CTNNA2: variants seen among roughly 807,000 people sequenced by gnomAD.
CTNNA2 encodes catenin alpha 2.
Under a neutral mutation model 101.0 loss-of-function variants are expected in CTNNA2, and 42 were observed. The ratio of observed to expected loss-of-function variants is 0.42; its 90% CI spans 0.32 to 0.54. The LOEUF is 0.54. Ranked by LOEUF, CTNNA2 falls within the 20% of genes least tolerant of loss-of-function variation. CTNNA2 has a pLI of 0.14. For missense variants in CTNNA2, 871 were observed against 1,223.1 expected (o/e 0.71, Z 4.29); for synonymous variants, 450 against 456.4 (o/e 0.99, Z 0.18).
At position 80,429,813 on chromosome 2, in the gene CTNNA2, C is replaced by T. The variant is rs564290383; in HGVS notation, c.1290+10212C>T. Among the ~76,000 whole-genome samples the T allele has an allele frequency of 2.8e-4, 43 of 152,308 alleles. 1 individual carries two copies. In the South Asian group the frequency reaches 7.5e-3, roughly 26 times the overall value. On this transcript the variant is annotated intron_variant, in intron 9 of 18. Coordinates refer to ENST00000402739, the MANE Select transcript of CTNNA2 (RefSeq NM_001282597.3). ...CCTGCACAGTTTGCATCGTTCATAT[C>T]TGTTCAAATTACTAAATGCCGCAGA...
chr2:80,296,764 C>T (rs1558978417), intron 7 of CTNNA2, among the ~76,000 whole-genome samples: 2 of 152,076 alleles, frequency 1.3e-5, no homozygotes, highest in Admixed American at 1.3e-4. Flanking sequence ...ATGTCCTTTG[C>T]TTGTAGGATG....
chr2:80,161,160 C>T lies in CTNNA2; in HGVS notation c.1057-232051C>T, dbSNP rs191180240. ...CTCCTGGAGTAGCTAGAATTACAGG[C>T]GCATGCCACCACACCCAGCTAATTT... is the stretch of plus-strand genomic sequence containing the variant. On this transcript the variant is annotated intron_variant, in intron 7 of 18. Transcript: ENST00000402739. Among the ~76,000 whole-genome samples, 490 of 152,102 alleles carry T rather than the reference C, an allele frequency of 3.2e-3. 2 individuals are homozygous for T. The highest frequency in any genetic ancestry group is 0.012 in the South Asian group (56 of 4,808).
At chr2:79,470,110 T>C (rs1489906306) in intron 4 of CTNNA2, among the ~76,000 whole-genome samples, 1 of 152,190 alleles carries the variant, frequency 6.6e-6, no homozygotes, top group East Asian at 1.9e-4. Context: ...GCAGATGACA[T>C]GATTAAAGAA....
intron 7 of CTNNA2, among the ~76,000 whole-genome samples, chr2:80,380,197 C>G (rs188009083): frequency 6.6e-6 from 1 of 151,220 alleles, no homozygotes; most frequent in East Asian, 2.0e-4. Context: ...CCACCATGCC[C>G]GGCTAATTTT....
chr2:80,225,457 C>T (rs769535965), intron 7 of CTNNA2, among the ~76,000 whole-genome samples: 39 of 151,882 alleles, frequency 2.6e-4, no homozygotes, highest in Non-Finnish European at 4.6e-4. Flanking sequence ...AAATCAGCAC[C>T]GAGTTGGCCA....
At chr2:79,225,563 T>C (rs1212214239) in intron 2 of CTNNA2, among the ~76,000 whole-genome samples, 1 of 152,188 alleles carries the variant, frequency 6.6e-6, no homozygotes, top group African/African-American at 2.4e-5. Flanking sequence ...TAGGAGGCAA[T>C]TAAATATAAG....
intron 2 of CTNNA2, among the ~76,000 whole-genome samples, chr2:79,711,851 A>G (rs1430855702): frequency 6.6e-6 from 1 of 152,186 alleles, no homozygotes; most frequent in Non-Finnish European, 1.5e-5. Context: ...TAACTTATTT[A>G]TGGACAATTA....
intron 7 of CTNNA2, among the ~76,000 whole-genome samples, chr2:80,047,670 CT>C (rs1221089052): frequency 6.6e-6 from 1 of 152,108 alleles, no homozygotes; most frequent in Non-Finnish European, 1.5e-5. Context: ...AACTACAGAC[CT>C]GTTAATTTCT....
chr2:80,163,754 T>A (rs6720284), intron 7 of CTNNA2, among the ~76,000 whole-genome samples: 20,944 of 152,012 alleles, frequency 0.14, 3,629 homozygotes, highest in African/African-American at 0.41. Context: ...TGTCTATTCT[T>A]TCAGTTCTAT....
In CTNNA2 at chr2:80,012,008, T is replaced by G. The variant is rs185205500; in HGVS notation, c.1056+102211T>G. Among the ~76,000 whole-genome samples, 106 of 152,274 alleles carry G rather than the reference T, an allele frequency of 7.0e-4. No individual in the cohort carries two copies. The Middle Eastern group carries it at 0.01, about 15-fold the overall frequency. On this transcript the variant is annotated intron_variant, in intron 7 of 18. Transcript: ENST00000402739. Reference sequence around the variant, plus strand: ...CACTTCTGATTACTGGGGCGATAACTTGAACACTTAAGCAATTGCTAGAGC... The same window carrying G: ...CACTTCTGATTACTGGGGCGATAACGTGAACACTTAAGCAATTGCTAGAGC...
intron 7 of CTNNA2, among the ~76,000 whole-genome samples, chr2:79,931,132 G>C (rs1314239400): frequency 6.6e-6 from 1 of 152,054 alleles, no homozygotes; most frequent in East Asian, 1.9e-4. Flanking sequence ...ATTAAACTCT[G>C]CAATATGCAT....
chr2:80,079,480 T>G (rs1322509428), intron 7 of CTNNA2, among the ~76,000 whole-genome samples: 1 of 152,034 alleles, frequency 6.6e-6, no homozygotes, highest in Admixed American at 6.5e-5. Flanking sequence ...GAAAGAGAGA[T>G]AGCCCTGCCT....
intron 1 of CTNNA2, among the ~76,000 whole-genome samples, chr2:79,535,073 TAA>T (rs1672973497): frequency 6.6e-6 from 1 of 152,188 alleles, no homozygotes; most frequent in Non-Finnish European, 1.5e-5. Flanking sequence ...GGCGGTGAAA[TAA>T]AGAGATAAAC....
chr2:79,896,601 T>C (rs907369841), intron 6 of CTNNA2, among the ~76,000 whole-genome samples: 2 of 152,212 alleles, frequency 1.3e-5, no homozygotes, highest in African/African-American at 4.8e-5. Context: ...GAGCAGAAGA[T>C]ACCGACCTAT....
At chr2:79,425,219 T>C (rs1341141233) in intron 4 of CTNNA2, among the ~76,000 whole-genome samples, 3 of 152,162 alleles carry the variant, frequency 2.0e-5, no homozygotes, top group Admixed American at 6.6e-5. Context: ...TAGCAGTGGA[T>C]GATTCAAAGG....
chr2:79,697,863 A>T (rs1262989291), intron 2 of CTNNA2: 2 of 152,028 alleles, frequency 1.3e-5, no homozygotes, highest in Non-Finnish European at 2.9e-5. Context: ...CATACCACTT[A>T]TTATACAAGA....
In CTNNA2 at chr2:80,454,875, G is replaced by C. The variant is rs541076875; in HGVS notation, c.1290+35274G>C. On this transcript the variant is annotated intron_variant, in intron 9 of 18. Coordinates refer to ENST00000402739, the MANE Select transcript of CTNNA2 (RefSeq NM_001282597.3). ...GGCAGTCAGTGCTTCCCTCTCTGAT[G>C]ATGGGCTAGCCCGGGGAAGGCCCAG... 7.9e-5 allele frequency among the ~76,000 whole-genome samples: 12 copies of C among 152,362 alleles called. No homozygotes were observed. In the South Asian group the frequency reaches 2.3e-3, roughly 29 times the overall value.
intron 4 of CTNNA2, among the ~76,000 whole-genome samples, chr2:79,491,349 AGTT>A (rs1671205927): frequency 6.6e-6 from 1 of 152,166 alleles, no homozygotes; most frequent in Non-Finnish European, 1.5e-5. Context: ...TTAAATCTTT[AGTT>A]GTTAGAAATC....
intron 15 of CTNNA2, among the ~76,000 whole-genome samples, chr2:80,599,779 A>C (rs1697311124): frequency 6.6e-6 from 1 of 151,606 alleles, no homozygotes; most frequent in South Asian, 2.1e-4. Flanking sequence ...ATTTTTTTTA[A>C]TGTTTATTTA....
Sources: gnomAD v4.1 joint callset for allele counts (sites outside exome capture counted in the v4.1 genomes callset) on GRCh38, gnomAD v4.1.1 for gene constraint, MANE v1.5 for transcripts, NCBI Gene and HGNC (gene_info 2026-07-23, HGNC 2026-07-21) for gene names.